Variants in QKI observed in about 807,000 individuals in gnomAD.
QKI encodes the protein KH domain-containing RNA-binding protein QKI.
In QKI, 10 loss-of-function variants were observed where a neutral mutation model predicts 39.0. That is an observed-to-expected ratio of 0.26 (90% CI 0.16 to 0.43). QKI has a LOEUF of 0.43. Among genes scored for constraint, QKI ranks in the 20% least tolerant of loss-of-function variants. The pLI is 1.00. For synonymous variants in QKI, 204 were observed against 155.4 expected, an observed-to-expected ratio of 1.31 and a Z score of -2.33; for missense variants, 218 against 428.0, an observed-to-expected ratio of 0.51 and a Z score of 4.33.
chr6:163,564,991 G>A (rs969884584), intron 6 of QKI: 3 of 1,262,172 alleles, frequency 2.4e-6, no homozygotes, highest in African/African-American at 3.0e-5. Context: ...CGTTGTTCAA[G>A]TAAAGAAAGC....
chr6:163,487,311 C>T (rs1018368174), intron 3 of QKI, among the ~76,000 whole-genome samples: 1 of 152,124 alleles, frequency 6.6e-6, no homozygotes, highest in African/African-American at 2.4e-5. Flanking sequence ...CTCTCTCATT[C>T]CCCATTGCCT....
chr6:163,417,728 C>A (rs1433917675), intron 1 of QKI, among the ~76,000 whole-genome samples: 3 of 152,176 alleles, frequency 2.0e-5, no homozygotes, highest in African/African-American at 7.2e-5. Context: ...TTTACTCCAT[C>A]TCTTGTCTTG....
chr6:163,563,100 C>T (rs1036670855), intron 5 of QKI, among the ~76,000 whole-genome samples: 1 of 152,124 alleles, frequency 6.6e-6, no homozygotes, highest in African/African-American at 2.4e-5. Flanking sequence ...TTTCATTGTG[C>T]TTCTGCATGT....
chr6:163,501,355 G>C (rs976878859), intron 3 of QKI, among the ~76,000 whole-genome samples: 10 of 151,542 alleles, frequency 6.6e-5, no homozygotes, highest in Admixed American at 6.6e-5. Context: ...TGAGCTGCTT[G>C]TACATACAAG....
intron 4 of QKI, among the ~76,000 whole-genome samples, chr6:163,542,275 T>G (rs1042345427): frequency 2.6e-5 from 4 of 152,022 alleles, no homozygotes; most frequent in African/African-American, 9.7e-5. Context: ...TTCATCTAGT[T>G]GGAAAGTAAT....
At chr6:163,447,734 A>T (rs916366934) in intron 1 of QKI, among the ~76,000 whole-genome samples, 1 of 152,212 alleles carries the variant, frequency 6.6e-6, no homozygotes, top group Non-Finnish European at 1.5e-5. Flanking sequence ...CATGTAAAAA[A>T]TAACTAGATC....
intron 7 of QKI, chr6:163,567,190 A>G (rs1001673753): frequency 2.0e-6 from 2 of 997,730 alleles, no homozygotes; most frequent in African/African-American, 3.5e-5. Flanking sequence ...TGCTTTAATG[A>G]GAGAAGTAAA....
intron 1 of QKI, among the ~76,000 whole-genome samples, chr6:163,432,390 T>TC (rs1179323449): frequency 9.8e-4 from 141 of 143,998 alleles, no homozygotes; most frequent in Middle Eastern, 3.6e-3. Context: ...TAATTTAAAA[T>TC]CCCCCCCCTT....
intron 4 of QKI, among the ~76,000 whole-genome samples, chr6:163,539,483 A>G (rs976915246): frequency 1.3e-5 from 2 of 152,114 alleles, no homozygotes; most frequent in African/African-American, 4.8e-5. Context: ...CTTCACCTGC[A>G]GTGATCGTGT....
At chr6:163,492,783 C>A (rs929529307) in intron 3 of QKI, among the ~76,000 whole-genome samples, 1 of 151,956 alleles carries the variant, frequency 6.6e-6, no homozygotes, top group African/African-American at 2.4e-5. Context: ...AGTGAGTAAA[C>A]GGATGCCTAT....
Position 163,535,077 on chromosome 6 carries a change from C to A in QKI, c.498C>A (p.Ile166=). 1 of 1,609,772 alleles carries A rather than the reference C, an allele frequency of 6.2e-7. No homozygotes were observed. Among genetic ancestry groups the A allele is most frequent in the South Asian group, 1.1e-5 (1 of 89,844 alleles). ...AAGATGCTCAGAACAGAGCAGAAAT[C>A]AAATTGAAGAGAGCAGTTGAAGAAG... ...TVEDAQNRAE[I]KLKRAVEEVK... Residue 166 remains isoleucine (I), a synonymous_variant, in exon 4 of 8, where the codon ATC becomes ATA. Transcript: ENST00000361752.
chr6:163,437,591 AT>A (rs1789413182), intron 1 of QKI, among the ~76,000 whole-genome samples: 1 of 152,120 alleles, frequency 6.6e-6, no homozygotes, highest in Non-Finnish European at 1.5e-5. Context: ...TTGTGAATGG[AT>A]TTTAGAATCA....
intron 4 of QKI, among the ~76,000 whole-genome samples, chr6:163,557,946 G>T (rs1191599375): frequency 6.6e-6 from 1 of 152,156 alleles, no homozygotes; most frequent in East Asian, 1.9e-4. Flanking sequence ...GAAACCAGAA[G>T]CTATGAGATT....
chr6:163,475,426 AGAT>A (rs1209749761), intron 2 of QKI, among the ~76,000 whole-genome samples: 1 of 152,234 alleles, frequency 6.6e-6, no homozygotes, highest in East Asian at 1.9e-4. Context: ...AGTAATCTAA[AGAT>A]GATATAAATT....
At chr6:163,553,663 C>T (rs780367159) in intron 4 of QKI, among the ~76,000 whole-genome samples, 2 of 151,946 alleles carry the variant, frequency 1.3e-5, no homozygotes, top group South Asian at 4.2e-4. Flanking sequence ...TTAATAAAAT[C>T]ACAGATTGTA....
At chr6:163,506,726 ATTGTAGACACT>A (rs1779118508) in intron 3 of QKI, among the ~76,000 whole-genome samples, 1 of 152,192 alleles carries the variant, frequency 6.6e-6, no homozygotes, top group Non-Finnish European at 1.5e-5. Context: ...TGCCTGGCAC[ATTGTAGACACT>A]TAGGAATGCT....
chr6:163,427,215 A>G (rs1788472928), intron 1 of QKI, among the ~76,000 whole-genome samples: 2 of 142,864 alleles, frequency 1.4e-5, no homozygotes, highest in Non-Finnish European at 1.5e-5. Flanking sequence ...TCAATTTTTT[A>G]ACGTTACTGT....
chr6:163,440,134 C>T (rs945453905), intron 1 of QKI, among the ~76,000 whole-genome samples: 5 of 152,172 alleles, frequency 3.3e-5, no homozygotes, highest in African/African-American at 7.2e-5. Flanking sequence ...CTACTCACTG[C>T]CCCATCTTTT....
intron 1 of QKI, among the ~76,000 whole-genome samples, chr6:163,433,593 C>T (rs575931018): frequency 1.3e-5 from 2 of 152,134 alleles, no homozygotes; most frequent in South Asian, 4.1e-4. Context: ...AGTGAAATCC[C>T]ATCTCTACTA....
Sources: allele counts gnomAD v4.1 joint callset (sites outside exome capture counted in the v4.1 genomes callset), GRCh38; gene constraint gnomAD v4.1.1; transcripts MANE v1.5; gene names NCBI Gene and HGNC (gene_info 2026-07-23, HGNC 2026-07-21).